ASB2: variants seen among roughly 807,000 people sequenced by gnomAD.
The protein encoded by ASB2 is ankyrin repeat and SOCS box containing 2.
Under a neutral mutation model 62.4 loss-of-function variants are expected in ASB2, and 58 were observed. The ratio of observed to expected loss-of-function variants is 0.93; its 90% confidence interval spans 0.75 to 1.16. ASB2 has a LOEUF of 1.16. ASB2 is among the 50% of genes most tolerant of loss of function. The probability of loss-of-function intolerance (pLI) is 0.00; values close to 1 mark genes in which losing one functional copy is unlikely to be tolerated. For synonymous variants in ASB2, 386 were observed against 385.3 expected (o/e 1.00, Z -0.02); for missense variants, 928 against 887.9 (o/e 1.05, Z -0.57).
At chr14:93,965,083 C>G (rs1001023202) in intron 1 of ASB2, among the ~76,000 whole-genome samples, 1 of 152,196 alleles carries the variant, frequency 6.6e-6, no homozygotes, top group African/African-American at 2.4e-5. Context: ...CCCATCCCTC[C>G]ATTATCCTAT....
chr14:93,974,029 CA>C (rs1889838043), intron 1 of ASB2: 1 of 152,268 alleles, frequency 6.6e-6, no homozygotes, highest in Non-Finnish European at 1.5e-5. Flanking sequence ...TCAGGCAGGG[CA>C]GGGGGAATCC....
chr14:93,962,433 G>A (rs1433308676), intron 2 of ASB2, among the ~76,000 whole-genome samples: 1 of 152,166 alleles, frequency 6.6e-6, no homozygotes, highest in Non-Finnish European at 1.5e-5. Flanking sequence ...CGAAGGCGCA[G>A]AACCGAACCT....
chr14:93,939,455 C>T lies in ASB2; in HGVS notation c.1270G>A (p.Val424Met). The T allele has an allele frequency of 1.9e-6, 3 of 1,612,490 alleles. No individual in the cohort carries two copies. The highest frequency in any genetic ancestry group is 2.5e-6 in the Non-Finnish European group (3 of 1,179,748). The change falls in exon 8 of 10, where the codon GTG becomes ATG. Residue 424 changes from valine to methionine, a missense_variant. Coordinates refer to ENST00000555019, the MANE Select transcript of ASB2 (RefSeq NM_001202429.2). ...TGCAGCAGCAGCTCGGTGGCGTACACGTTGTTGTTGACCACCGCGAAGTAC... is the reference window on the plus strand; with the variant it reads ...TGCAGCAGCAGCTCGGTGGCGTACATGTTGTTGTTGACCACCGCGAAGTAC... ...ALYFAVVNNN[V>M]YATELLLQHG...
chr14:93,938,972 C>T (rs1440906383), intron 8 of ASB2, 136 bp downstream of exon 8: 2 of 790,332 alleles, frequency 2.5e-6, no homozygotes, highest in Non-Finnish European at 3.7e-6. Context: ...CCACTTCCCC[C>T]GAAGGGTGTT....
At chr14:93,964,986 C>T (rs1889542612) in intron 1 of ASB2, among the ~76,000 whole-genome samples, 1 of 152,170 alleles carries the variant, frequency 6.6e-6, no homozygotes, top group Non-Finnish European at 1.5e-5. Flanking sequence ...CTCATCTGAC[C>T]ATTTATCTGT....
chr14:93,954,076 C>T, intron 4 of ASB2: 1 of 553,214 alleles, frequency 1.8e-6, no homozygotes, highest in Admixed American at 3.3e-5. Context: ...TCAGCCCTCC[C>T]TCATTCCTTT....
chr14:93,958,195 T>G (rs72631627), intron 2 of ASB2, among the ~76,000 whole-genome samples: 9,833 of 152,284 alleles, frequency 0.065, 1,160 homozygotes, highest in East Asian at 0.58. Context: ...TCCCATCCCC[T>G]GCTTCTGGCC....
At chr14:93,953,634 G>A in intron 4 of ASB2, 127 bp from the exon 5 acceptor site, 1 of 837,018 alleles carries the variant, frequency 1.2e-6, no homozygotes, top group Non-Finnish European at 1.8e-6. Flanking sequence ...ACCAACTACA[G>A]ACTGCATTCA....
intron 9 of ASB2, among the ~76,000 whole-genome samples, chr14:93,935,328 G>A (rs1469932769): frequency 1.3e-5 from 2 of 152,262 alleles, no homozygotes; most frequent in Admixed American, 1.3e-4. Context: ...GAGCCACGTA[G>A]TGGAGTTTTC....
At chr14:93,946,800 T>C (rs1473282184) in intron 7 of ASB2, among the ~76,000 whole-genome samples, 2 of 152,248 alleles carry the variant, frequency 1.3e-5, no homozygotes, top group Admixed American at 6.5e-5. Flanking sequence ...TTCTTATCAT[T>C]GGTGCTATTT....
In ASB2 at chr14:93,939,540, C is replaced by G; in HGVS notation, c.1185G>C (p.Val395=). ...CGCGCTCGGGGGCCAGCGGCGTGTT[C>G]ACGTCGAAGCGCGCGCTCAGCAGCG... The part of the protein sequence containing the change: ...LEALLSARFD[V]NTPLAPERAR... The change falls in exon 8 of 10, where the codon GTG becomes GTC. Residue 395 remains valine, a synonymous_variant. Transcript: ENST00000555019. 6.2e-7 allele frequency: 1 copy of G among 1,601,982 alleles called. No homozygotes were observed. Among genetic ancestry groups the G allele is most frequent in the Non-Finnish European group, 8.5e-7 (1 of 1,175,496 alleles).
At position 93,947,444 on chromosome 14, in the gene ASB2, C is replaced by G; in HGVS notation, c.957G>C (p.Val319=). The change falls in exon 7 of 10, where the codon GTG becomes GTC. Residue 319 remains valine (V), a synonymous_variant. Transcript: ENST00000555019. ...YEACKNEHEE[V]VEFLLSQGAD... is the part of the protein sequence containing the mutation. The stretch of plus-strand genomic sequence containing the variant: ...CACCCTGTGACAGCAGAAACTCCAC[C>G]ACCTCCTCATGCTCATTCTTGCAGG... 6.2e-7 allele frequency: 1 copy of G among 1,614,234 alleles called. No individual in the cohort carries two copies. Among genetic ancestry groups the G allele is most frequent in the Non-Finnish European group, 8.5e-7 (1 of 1,180,038 alleles).
chr14:93,954,919 T>C (rs1889122106), intron 3 of ASB2, among the ~76,000 whole-genome samples: 1 of 152,050 alleles, frequency 6.6e-6, no homozygotes, highest in South Asian at 2.1e-4. Flanking sequence ...CTACTCCCAG[T>C]ACATCCAGCT....
chr14:93,975,858 G>A (rs773551938), intron 1 of ASB2, among the ~76,000 whole-genome samples: 44 of 152,202 alleles, frequency 2.9e-4, no homozygotes, highest in Non-Finnish European at 5.3e-4. Flanking sequence ...CACATGCATG[G>A]TATTCTTGCA....
At chr14:93,969,330 C>T (rs927645831) in intron 1 of ASB2, among the ~76,000 whole-genome samples, 1 of 152,216 alleles carries the variant, frequency 6.6e-6, no homozygotes, top group African/African-American at 2.4e-5. Context: ...AGTTATGAAG[C>T]AGCGTGTGGA....
At chr14:93,975,150 C>T (rs1162199322) in intron 1 of ASB2, among the ~76,000 whole-genome samples, 2 of 152,230 alleles carry the variant, frequency 1.3e-5, no homozygotes, top group East Asian at 3.9e-4. Context: ...GGGGTGCTGG[C>T]CCCAGCTGGC....
intron 7 of ASB2, among the ~76,000 whole-genome samples, chr14:93,943,212 A>G (rs1005534773): frequency 6.6e-6 from 1 of 152,228 alleles, no homozygotes; most frequent in Admixed American, 6.5e-5. Context: ...ATTGGCCCGT[A>G]GTCGGCAGTG....
intron 7 of ASB2, 154 bp from the exon 8 acceptor site, chr14:93,939,826 G>T: frequency 1.8e-6 from 1 of 558,850 alleles, no homozygotes; most frequent in Non-Finnish European, 2.9e-6. Flanking sequence ...GGCGCCGCGG[G>T]TCAACCATTC....
chr14:93,937,646 C>CT (rs1300753166), intron 9 of ASB2, 52 bp downstream of exon 9: 2 of 1,575,006 alleles, frequency 1.3e-6, no homozygotes, highest in East Asian at 2.3e-5. Flanking sequence ...GCCTGGGACT[C>CT]TGAGTCAGGC....
Sources: gnomAD v4.1 joint callset for allele counts (sites outside exome capture counted in the v4.1 genomes callset) on GRCh38, gnomAD v4.1.1 for gene constraint, MANE v1.5 for transcripts, NCBI Gene and HGNC (gene_info 2026-07-23, HGNC 2026-07-21) for gene names.